CSMD2: variants seen among roughly 807,000 people sequenced by gnomAD.
CSMD2 encodes the protein CUB and sushi domain-containing protein 2.
Under a neutral mutation model 398.5 loss-of-function variants are expected in CSMD2, and 130 were observed. That is an observed-to-expected ratio of 0.33 (90% CI 0.28 to 0.38). CSMD2 has a LOEUF of 0.38. Among genes scored for constraint, CSMD2 ranks in the 10% least tolerant of loss-of-function variants. The pLI is 1.00. For synonymous variants in CSMD2, 1,828 were observed against 1,908.5 expected, an observed-to-expected ratio of 0.96 and a Z score of 1.10; for missense variants, 3,829 against 4,764.9, an observed-to-expected ratio of 0.80 and a Z score of 5.78.
chr1:34,050,953 A>C (rs1653106496), intron 2 of CSMD2, among the ~76,000 whole-genome samples: 1 of 152,194 alleles, frequency 6.6e-6, no homozygotes, highest in Admixed American at 6.5e-5. Context: ...AGGTGTCACA[A>C]CAATGATCCT....
rs1641575680 is a variant in CSMD2 at position 34,163,703 on chromosome 1, G to A, written c.187+1208C>T. ...AAGAAAACACGGCTCCAGGTCGAAG[G>A]TGCCCTAGGTCTAGGCCTGGCCAGC... On this transcript the variant is annotated intron_variant, in intron 1 of 70. Coordinates refer to ENST00000373381, the MANE Select transcript of CSMD2 (RefSeq NM_001281956.2). This position sits in a 1 kb window ranked among gnomAD's most constrained non-coding sequence, Gnocchi z 5.4. Among the ~76,000 whole-genome samples the A allele has an allele frequency of 6.6e-6, 1 of 152,136 alleles. No homozygotes were observed. Among genetic ancestry groups the A allele is most frequent in the Admixed American group, 6.5e-5 (1 of 15,286 alleles).
intron 1 of CSMD2, among the ~76,000 whole-genome samples, chr1:34,090,335 C>T (rs1658410710): frequency 6.6e-6 from 1 of 152,202 alleles, no homozygotes; most frequent in Admixed American, 6.5e-5. Context: ...CAATACCATA[C>T]TCCTTTCCTG....
intron 1 of CSMD2, among the ~76,000 whole-genome samples, chr1:34,159,569 C>G: frequency 6.6e-6 from 1 of 152,214 alleles, no homozygotes; most frequent in East Asian, 1.9e-4. Context: ...TCAGCCAGGC[C>G]TGCATCCAAA....
chr1:33,632,890 T>C (rs925609180), intron 32 of CSMD2, among the ~76,000 whole-genome samples: 1 of 152,186 alleles, frequency 6.6e-6, no homozygotes, highest in Non-Finnish European at 1.5e-5. Context: ...GAGACTACTA[T>C]GTAGCACTTA....
chr1:33,770,579 C>A (rs1651124290), intron 13 of CSMD2, among the ~76,000 whole-genome samples: 1 of 152,234 alleles, frequency 6.6e-6, no homozygotes, highest in Admixed American at 6.5e-5. Context: ...CCCTGAGATT[C>A]AAGCTGTGTC....
intron 3 of CSMD2, among the ~76,000 whole-genome samples, chr1:34,018,122 C>G (rs1052857356): frequency 6.6e-6 from 1 of 152,148 alleles, no homozygotes; most frequent in Non-Finnish European, 1.5e-5. Flanking sequence ...CATATAAGAC[C>G]TACTTTACAT....
At chr1:33,824,314 G>A (rs1013625037) in intron 7 of CSMD2, among the ~76,000 whole-genome samples, 3 of 152,152 alleles carry the variant, frequency 2.0e-5, no homozygotes, top group African/African-American at 7.2e-5. Flanking sequence ...CTGACCCTGG[G>A]CTCTCCTAGC....
chr1:33,704,219 TTTTGAG>T (rs747023891), intron 22 of CSMD2, among the ~76,000 whole-genome samples: 7 of 152,132 alleles, frequency 4.6e-5, no homozygotes, highest in African/African-American at 7.2e-5. Context: ...TTCTTATTGA[TTTTGAG>T]TTTATTAGTT....
chr1:34,122,651 T>C (rs574902374), intron 1 of CSMD2, among the ~76,000 whole-genome samples: 28 of 152,320 alleles, frequency 1.8e-4, no homozygotes, highest in African/African-American at 6.3e-4. Context: ...TTAATTTTCA[T>C]AGAGCCTCCT....
At chr1:33,671,257 C>T (rs930002364) in intron 25 of CSMD2, among the ~76,000 whole-genome samples, 2 of 152,120 alleles carry the variant, frequency 1.3e-5, no homozygotes, top group South Asian at 2.1e-4. Flanking sequence ...GGAGGGGTTC[C>T]ACCAAAGGAG....
intron 55 of CSMD2, among the ~76,000 whole-genome samples, chr1:33,553,079 C>T (rs1657611488): frequency 6.6e-6 from 1 of 152,048 alleles, no homozygotes; most frequent in Admixed American, 6.6e-5. Flanking sequence ...AAAAATCATG[C>T]CAATACTAAA....
chr1:33,819,799 T>C lies in CSMD2; in HGVS notation c.1238A>G (p.Tyr413Cys), dbSNP rs767518035. The change falls in exon 9 of 71, where the codon TAT (tyrosine) becomes TGT (cysteine). Residue 413 changes from tyrosine (Y) to cysteine (C), a missense_variant. Physicochemically the swap from Tyr to Cys is radical, Grantham distance 194. Around this residue, in one of 5 missense-constraint regions of CSMD2, gnomAD observed 2,001 missense variants for 2,567.1 expected, o/e 0.78. Coordinates refer to ENST00000373381, the MANE Select transcript of CSMD2 (RefSeq NM_001281956.2). ...GATCCGCTTGGACCCTTGCAGGTCATAGCCCTCGTTGCAGGTGAACTGGAC... is the reference window on the plus strand; with the variant it reads ...GATCCGCTTGGACCCTTGCAGGTCACAGCCCTCGTTGCAGGTGAACTGGAC... ...SSVQFTCNEG[Y>C]DLQGSKRITC... The C allele has an allele frequency of 2.5e-6, 4 of 1,614,110 alleles. No individual in the cohort carries two copies. Among genetic ancestry groups the C allele is most frequent in the South Asian group, 2.2e-5 (2 of 91,078 alleles).
intron 24 of CSMD2, among the ~76,000 whole-genome samples, chr1:33,697,884 G>C (rs1224466508): frequency 1.3e-5 from 2 of 152,184 alleles, no homozygotes; most frequent in Non-Finnish European, 2.9e-5. Context: ...ACCAATTTTG[G>C]CATGTGGGGC....
chr1:34,033,761 A>G (rs1650757521), intron 2 of CSMD2, among the ~76,000 whole-genome samples: 1 of 152,114 alleles, frequency 6.6e-6, no homozygotes, highest in Non-Finnish European at 1.5e-5. Context: ...TATACCTCCC[A>G]CTGCTATACA....
chr1:33,595,320 C>G (rs1639765325), intron 44 of CSMD2, among the ~76,000 whole-genome samples: 2 of 152,180 alleles, frequency 1.3e-5, no homozygotes, highest in South Asian at 4.1e-4. Context: ...TTATGTTCAG[C>G]TTGTCTTCTG....
chr1:34,141,305 C>A (rs1639270588), intron 1 of CSMD2, among the ~76,000 whole-genome samples: 1 of 152,152 alleles, frequency 6.6e-6, no homozygotes, highest in African/African-American at 2.4e-5. Flanking sequence ...GTTGGGCATA[C>A]CACAGAGAAC....
At chr1:34,129,460 G>T (rs1182352353) in intron 1 of CSMD2, among the ~76,000 whole-genome samples, 1 of 152,060 alleles carries the variant, frequency 6.6e-6, no homozygotes, top group Admixed American at 6.6e-5. Context: ...GACCATCCTG[G>T]CTAACACGGT....
At chr1:33,725,953 T>C (rs1646515918) in intron 16 of CSMD2, among the ~76,000 whole-genome samples, 2 of 150,338 alleles carry the variant, frequency 1.3e-5, no homozygotes, top group South Asian at 2.1e-4. Context: ...AAGCAGAGCA[T>C]GCATCAGAGA....
chr1:33,653,864 G>A (rs557627618), intron 27 of CSMD2, among the ~76,000 whole-genome samples: 1 of 152,318 alleles, frequency 6.6e-6, no homozygotes, highest in East Asian at 1.9e-4. Flanking sequence ...GGGCTGGCTA[G>A]AAAATCCAAG....
Sources: gnomAD v4.1 joint callset for allele counts (sites outside exome capture counted in the v4.1 genomes callset) on GRCh38, gnomAD v4.1.1 for gene constraint, gnomAD v4.1.1 regional missense constraint, Gnocchi (gnomAD v3.1) non-coding constraint, MANE v1.5 for transcripts, NCBI Gene and HGNC (gene_info 2026-07-23, HGNC 2026-07-21) for gene names.